Variants in GPC5 observed in about 807,000 individuals in gnomAD.
GPC5 encodes glypican 5.
GPC5 carries 47 observed loss-of-function variants against 53.9 expected under a neutral mutation model. The ratio of observed to expected loss-of-function variants is 0.87; its 90% CI spans 0.69 to 1.11. The LOEUF (loss-of-function observed/expected upper bound fraction) is 1.11, where lower values mean the gene tolerates loss of function less well. GPC5 is among the 50% of genes most tolerant of loss of function. The pLI, the probability that GPC5 is intolerant of heterozygous loss-of-function variation, is 0.00. For missense variants in GPC5, 748 were observed against 713.1 expected (o/e 1.05, Z -0.56); for synonymous variants, 286 against 263.3 (o/e 1.09, Z -0.84).
chr13:91,462,060 GT>G (rs1408770222), intron 2 of GPC5, among the ~76,000 whole-genome samples: 1 of 152,132 alleles, frequency 6.6e-6, no homozygotes, highest in Non-Finnish European at 1.5e-5. Flanking sequence ...AAATTGCTAT[GT>G]TTTGACTCTC....
intron 6 of GPC5, among the ~76,000 whole-genome samples, chr13:91,915,262 A>G (rs760969769): frequency 3.7e-4 from 57 of 152,200 alleles, no homozygotes; most frequent in Admixed American, 1.7e-3. Context: ...TAATTTAGCA[A>G]TTAGTTTGTC....
chr13:92,675,803 G>C (rs1434753561), intron 7 of GPC5, among the ~76,000 whole-genome samples: 1 of 151,958 alleles, frequency 6.6e-6, no homozygotes, highest in Non-Finnish European at 1.5e-5. Context: ...GCAGAGCTTT[G>C]GTCTTATGCC....
intron 5 of GPC5, among the ~76,000 whole-genome samples, chr13:91,840,212 T>G (rs2038769276): frequency 6.6e-6 from 1 of 152,166 alleles, no homozygotes; most frequent in Non-Finnish European, 1.5e-5. Context: ...TCACCATACT[T>G]ACACATTTTT....
intron 6 of GPC5, among the ~76,000 whole-genome samples, chr13:92,078,826 T>A (rs1194798177): frequency 2.6e-5 from 4 of 152,102 alleles, no homozygotes; most frequent in African/African-American, 9.7e-5. Flanking sequence ...AAAACTACAC[T>A]ATCTCCGTCC....
At chr13:92,683,242 C>T (rs538786534) in intron 7 of GPC5, among the ~76,000 whole-genome samples, 2 of 151,938 alleles carry the variant, frequency 1.3e-5, no homozygotes, top group Non-Finnish European at 1.5e-5. Flanking sequence ...AGAGAGAAAA[C>T]GTAGAGGAGG....
intron 7 of GPC5, among the ~76,000 whole-genome samples, chr13:92,374,270 G>A (rs72638673): frequency 0.063 from 9,521 of 152,102 alleles, 415 homozygotes; most frequent in Non-Finnish European, 0.087. Context: ...CCTTGAATTG[G>A]ATGAGATTTA....
At chr13:92,715,008 T>G (rs1380746121) in intron 7 of GPC5, among the ~76,000 whole-genome samples, 1 of 152,118 alleles carries the variant, frequency 6.6e-6, no homozygotes, top group Non-Finnish European at 1.5e-5. Flanking sequence ...GAAGTTGCAG[T>G]GAGCCAAGAT....
intron 7 of GPC5, among the ~76,000 whole-genome samples, chr13:92,322,366 A>G (rs1282546651): frequency 1.3e-5 from 2 of 152,174 alleles, no homozygotes; most frequent in African/African-American, 2.4e-5. Context: ...GGCAAATTAT[A>G]TGAGACATTT....
At chr13:92,681,639 C>T (rs1312175835) in intron 7 of GPC5, among the ~76,000 whole-genome samples, 1 of 152,204 alleles carries the variant, frequency 6.6e-6, no homozygotes, top group Non-Finnish European at 1.5e-5. Context: ...CTGACCGTGA[C>T]CATTTTTGGT....
chr13:91,663,118 A>G (rs1483888767), intron 2 of GPC5, among the ~76,000 whole-genome samples: 1 of 152,214 alleles, frequency 6.6e-6, no homozygotes, highest in Non-Finnish European at 1.5e-5. Context: ...CTAGGTAAGA[A>G]TACAAACGTT....
Position 91,781,156 on chromosome 13 carries a change from T to A in GPC5, c.1280+24736T>A, listed in dbSNP as rs528418210. 6.7e-3 allele frequency among the ~76,000 whole-genome samples: 1,013 copies of A among 152,326 alleles called. 9 individuals carry two copies. The highest frequency in any genetic ancestry group is 0.023 in the African/African-American group (958 of 41,572). On this transcript the variant is annotated intron_variant, in intron 5 of 7. Coordinates refer to ENST00000377067, the MANE Select transcript of GPC5 (RefSeq NM_004466.6). ...TAATAAAGGCAGAGTGAAGGTTTCA[T>A]TCCCATAGTCATTGTTGGGATGACT...
At chr13:91,639,547 G>A (rs978325714) in intron 2 of GPC5, among the ~76,000 whole-genome samples, 9 of 152,114 alleles carry the variant, frequency 5.9e-5, no homozygotes, top group African/African-American at 2.2e-4. Flanking sequence ...TATCTTCCCT[G>A]GAGTCTAAGA....
At chr13:91,483,284 G>A (rs375272644) in intron 2 of GPC5, among the ~76,000 whole-genome samples, 9 of 152,306 alleles carry the variant, frequency 5.9e-5, no homozygotes, top group African/African-American at 2.2e-4. Context: ...AATTAGGTTA[G>A]AACCTTTGTT....
chr13:92,083,282 T>C (rs1241900605), intron 6 of GPC5, among the ~76,000 whole-genome samples: 6 of 152,204 alleles, frequency 3.9e-5, no homozygotes, highest in Non-Finnish European at 8.8e-5. Flanking sequence ...AGCAGTGACA[T>C]TCTCTTTCAT....
intron 5 of GPC5, among the ~76,000 whole-genome samples, chr13:91,824,950 A>C (rs1395643089): frequency 6.6e-6 from 1 of 152,026 alleles, no homozygotes; most frequent in African/African-American, 2.4e-5. Context: ...TGTTTTGTAG[A>C]TTTGGTCATT....
At chr13:91,538,407 A>ATT (rs1886684415) in intron 2 of GPC5, among the ~76,000 whole-genome samples, 1 of 152,166 alleles carries the variant, frequency 6.6e-6, no homozygotes, top group Non-Finnish European at 1.5e-5. Flanking sequence ...AAGAAAAAGT[A>ATT]TTGAAAACAT....
chr13:92,453,758 T>C (rs944664070), intron 7 of GPC5, among the ~76,000 whole-genome samples: 6 of 152,204 alleles, frequency 3.9e-5, no homozygotes, highest in Non-Finnish European at 7.3e-5. Flanking sequence ...AAGGTGGAAC[T>C]GTAACACCAC....
chr13:92,586,581 A>G (rs1211375251), intron 7 of GPC5, among the ~76,000 whole-genome samples: 2 of 152,216 alleles, frequency 1.3e-5, no homozygotes, highest in African/African-American at 4.8e-5. Flanking sequence ...AGTGGAATCA[A>G]CAAAGACGAC....
At chr13:91,969,438 G>C (rs536788357) in intron 6 of GPC5, among the ~76,000 whole-genome samples, 1 of 152,054 alleles carries the variant, frequency 6.6e-6, no homozygotes, top group African/African-American at 2.4e-5. Context: ...ATCATAGGTA[G>C]GAAAACTCTT....
Sources: gnomAD v4.1 joint callset for allele counts (sites outside exome capture counted in the v4.1 genomes callset) on GRCh38, gnomAD v4.1.1 for gene constraint, MANE v1.5 for transcripts, NCBI Gene and HGNC (gene_info 2026-07-23, HGNC 2026-07-21) for gene names.